Variants in RPS6KC1 observed in about 807,000 individuals in gnomAD.
RPS6KC1 encodes the protein inactive ribosomal protein S6 kinase delta-1.
In RPS6KC1, 54 loss-of-function variants were observed where a neutral mutation model predicts 103.8. The ratio of observed to expected loss-of-function variants is 0.52; its 90% confidence interval spans 0.42 to 0.65. RPS6KC1 has a LOEUF of 0.65. Ranked by LOEUF, RPS6KC1 falls within the 30% of genes least tolerant of loss-of-function variation. The probability of loss-of-function intolerance (pLI) is 0.00; values close to 1 mark genes in which losing one functional copy is unlikely to be tolerated. For synonymous variants in RPS6KC1, 439 were observed against 438.7 expected (o/e 1.00, Z -0.01); for missense variants, 1,151 against 1,253.8 (o/e 0.92, Z 1.24).
At chr1:213,588,741 C>A in the RPS6KC1 span, among the ~76,000 whole-genome samples, 1 of 152,134 alleles carries the variant, frequency 6.6e-6, no homozygotes. Context: ...TAGTCACTAA[C>A]GCTGTGTCTT....
At chr1:213,109,218 G>A (rs1175044001) in intron 4 of RPS6KC1, among the ~76,000 whole-genome samples, 1 of 152,128 alleles carries the variant, frequency 6.6e-6, no homozygotes, top group African/African-American at 2.4e-5. Flanking sequence ...CTCACTGCAA[G>A]CTCCACCTCC....
chr1:213,612,302 A>G, the RPS6KC1 span, among the ~76,000 whole-genome samples: 1 of 152,262 alleles, frequency 6.6e-6, no homozygotes, highest in Non-Finnish European at 1.5e-5. Context: ...GAACTCCTGC[A>G]TCATACCTTT....
the RPS6KC1 span, among the ~76,000 whole-genome samples, chr1:213,439,311 AC>A: frequency 2.4e-5 from 2 of 84,514 alleles, no homozygotes; most frequent in Non-Finnish European, 4.8e-5. Context: ...CTGATGCCCC[AC>A]CCCCACCCAT....
At chr1:213,580,642 C>T in the RPS6KC1 span, among the ~76,000 whole-genome samples, 1 of 151,880 alleles carries the variant, frequency 6.6e-6, no homozygotes, top group African/African-American at 2.4e-5. Flanking sequence ...AAGAAATTGC[C>T]ACAGCCAACC....
intron 8 of RPS6KC1, among the ~76,000 whole-genome samples, chr1:213,227,682 T>C (rs1444349418): frequency 6.6e-6 from 1 of 152,222 alleles, no homozygotes; most frequent in Non-Finnish European, 1.5e-5. Flanking sequence ...AGGTTCCTTC[T>C]TAGGCTTGCT....
At chr1:213,565,959 C>CA in the RPS6KC1 span, among the ~76,000 whole-genome samples, 5,306 of 64,110 alleles carry the variant, frequency 0.083, 228 homozygotes, top group East Asian at 0.35. Context: ...AACTCCATCT[C>CA]AAAAAAAAAA....
chr1:213,609,527 C>T, the RPS6KC1 span, among the ~76,000 whole-genome samples: 1 of 152,110 alleles, frequency 6.6e-6, no homozygotes, highest in Non-Finnish European at 1.5e-5. Context: ...CAATCACCCT[C>T]ACAAAGAGAT....
chr1:213,123,855 C>A (rs78298652), intron 5 of RPS6KC1, among the ~76,000 whole-genome samples: 1 of 152,098 alleles, frequency 6.6e-6, no homozygotes, highest in Non-Finnish European at 1.5e-5. Flanking sequence ...TATATAGTCA[C>A]CCATGAGAGA....
the RPS6KC1 span, among the ~76,000 whole-genome samples, chr1:213,671,958 A>AC: frequency 6.6e-6 from 1 of 151,920 alleles, no homozygotes; most frequent in Admixed American, 6.6e-5. Context: ...AAAGCTAAAA[A>AC]AAAAAAGAAA....
the RPS6KC1 span, among the ~76,000 whole-genome samples, chr1:213,748,800 T>C: frequency 6.6e-6 from 1 of 152,240 alleles, no homozygotes; most frequent in South Asian, 2.1e-4. Flanking sequence ...CAAACTGATG[T>C]TGAACACCAG....
chr1:213,459,508 TC>T, the RPS6KC1 span, among the ~76,000 whole-genome samples: 2 of 152,114 alleles, frequency 1.3e-5, no homozygotes, highest in Non-Finnish European at 2.9e-5. Flanking sequence ...TGGCTAGAGG[TC>T]TACTTTGTTA....
chr1:213,427,386 C>A, the RPS6KC1 span, among the ~76,000 whole-genome samples: 1 of 152,284 alleles, frequency 6.6e-6, no homozygotes, highest in South Asian at 2.1e-4. Context: ...GAACCATATG[C>A]ACACCCTGTA....
the RPS6KC1 span, among the ~76,000 whole-genome samples, chr1:213,534,132 G>T: frequency 2.0e-5 from 3 of 152,170 alleles, no homozygotes; most frequent in African/African-American, 7.2e-5. Context: ...TCTTGGAAAA[G>T]AATTTTAAGC....
At chr1:213,236,557 C>A (rs1425289973) in intron 10 of RPS6KC1, among the ~76,000 whole-genome samples, 1 of 151,932 alleles carries the variant, frequency 6.6e-6, no homozygotes, top group East Asian at 1.9e-4. Context: ...TAATAAAGCC[C>A]TTTCTTAAAC....
intron 8 of RPS6KC1, among the ~76,000 whole-genome samples, chr1:213,217,807 T>C (rs942740033): frequency 6.6e-6 from 1 of 152,156 alleles, no homozygotes; most frequent in African/African-American, 2.4e-5. Flanking sequence ...AAAAGGCCTT[T>C]GACAAAATTC....
the RPS6KC1 span, among the ~76,000 whole-genome samples, chr1:213,517,126 G>C: frequency 1.3e-5 from 2 of 151,924 alleles, no homozygotes; most frequent in Non-Finnish European, 2.9e-5. Flanking sequence ...GTTTTCTTCT[G>C]TATTAGTCTT....
At chr1:213,330,287 T>G in the RPS6KC1 span, among the ~76,000 whole-genome samples, 83 of 152,348 alleles carry the variant, frequency 5.4e-4, 3 homozygotes, top group South Asian at 0.013. Flanking sequence ...ACCAACTGGC[T>G]TCTCTGTTCA....
At chr1:213,783,815 CAAAAAAAAAAAAA>C in the RPS6KC1 span, among the ~76,000 whole-genome samples, 773 of 66,010 alleles carry the variant, frequency 0.012, 11 homozygotes, top group African/African-American at 0.027. Flanking sequence ...AAGATGTTGC[CAAAAAAAAAAAAA>C]AAAAAAAAAA....
At chr1:213,052,241 T>G (rs565265112) in intron 1 of RPS6KC1, among the ~76,000 whole-genome samples, 1 of 152,332 alleles carries the variant, frequency 6.6e-6, no homozygotes, top group East Asian at 1.9e-4. Context: ...ATTAAATAAG[T>G]ATATATGTAT....
Sources: allele counts gnomAD v4.1 joint callset (sites outside exome capture counted in the v4.1 genomes callset), GRCh38; gene constraint gnomAD v4.1.1; transcripts MANE v1.5; gene names NCBI Gene and HGNC (gene_info 2026-07-23, HGNC 2026-07-21).